The following TMEM131L variants were observed in gnomAD, a reference collection of about 807,000 sequenced individuals.
The protein encoded by TMEM131L is transmembrane protein 131-like.
A neutral mutation model predicts 192.2 loss-of-function variants in TMEM131L; 54 were observed. The ratio of observed to expected loss-of-function variants is 0.28; its 90% confidence interval spans 0.23 to 0.35. The LOEUF is 0.35. Among genes scored for constraint, TMEM131L ranks in the 10% least tolerant of loss-of-function variants. TMEM131L has a pLI of 1.00. For synonymous variants in TMEM131L, 701 were observed against 704.9 expected, an observed-to-expected ratio of 0.99 and a Z score of 0.09; for missense variants, 1,888 against 1,972.9, an observed-to-expected ratio of 0.96 and a Z score of 0.82.
chr4:153,506,777 A>G (rs2150039488), intron 3 of TMEM131L, among the ~76,000 whole-genome samples: 1 of 146,968 alleles, frequency 6.8e-6, no homozygotes, highest in Non-Finnish European at 1.5e-5. Flanking sequence ...CAGGAGGCAG[A>G]GGTTGCAGTG....
chr4:153,617,930 T>C (rs1211229369), intron 26 of TMEM131L, among the ~76,000 whole-genome samples: 4 of 152,128 alleles, frequency 2.6e-5, no homozygotes, highest in Non-Finnish European at 5.9e-5. Context: ...CCCATTTTTC[T>C]TTTGAATGTT....
At chr4:153,556,644 T>C (rs1728475485) in intron 5 of TMEM131L, among the ~76,000 whole-genome samples, 1 of 152,224 alleles carries the variant, frequency 6.6e-6, no homozygotes, top group South Asian at 2.1e-4. Context: ...TTATTGTCTA[T>C]ATTTAAGTAG....
chr4:153,501,006 A>G (rs945060641), intron 3 of TMEM131L, among the ~76,000 whole-genome samples: 11 of 152,222 alleles, frequency 7.2e-5, no homozygotes, highest in African/African-American at 1.9e-4. Flanking sequence ...TGGAAGATAG[A>G]AAGTGGATAA....
At chr4:153,543,170 A>G (rs1239633395) in intron 3 of TMEM131L, among the ~76,000 whole-genome samples, 1 of 152,198 alleles carries the variant, frequency 6.6e-6, no homozygotes, top group Non-Finnish European at 1.5e-5. Flanking sequence ...TGTCCTACCA[A>G]AAAACTTTTT....
At chr4:153,578,678 A>G (rs1730129996) in intron 7 of TMEM131L, among the ~76,000 whole-genome samples, 1 of 151,562 alleles carries the variant, frequency 6.6e-6, no homozygotes, top group South Asian at 2.1e-4. Flanking sequence ...CCGCCACCAC[A>G]CCCAGCTAAT....
At chr4:153,568,136 A>C (rs1729346139) in intron 7 of TMEM131L, among the ~76,000 whole-genome samples, 1 of 152,164 alleles carries the variant, frequency 6.6e-6, no homozygotes, top group African/African-American at 2.4e-5. Context: ...ACTTCTAAAA[A>C]TTTTCTTAAG....
intron 26 of TMEM131L, among the ~76,000 whole-genome samples, chr4:153,618,896 C>T (rs1280350489): frequency 6.6e-6 from 1 of 152,152 alleles, no homozygotes; most frequent in Non-Finnish European, 1.5e-5. Flanking sequence ...CCATTGCAGG[C>T]CTGTTCTTTC....
intron 3 of TMEM131L, among the ~76,000 whole-genome samples, chr4:153,478,868 A>G (rs1376606543): frequency 1.3e-5 from 2 of 150,666 alleles, no homozygotes; most frequent in African/African-American, 5.0e-5. Context: ...CCACGATACC[A>G]GCTTAATGAA....
At chr4:153,565,815 TATTAAA>T (rs1269277764) in intron 7 of TMEM131L, among the ~76,000 whole-genome samples, 2 of 152,254 alleles carry the variant, frequency 1.3e-5, no homozygotes, top group Admixed American at 1.3e-4. Context: ...GTGTGACAAG[TATTAAA>T]ATTAGACTGC....
At chr4:153,534,832 A>C (rs1736190956) in intron 3 of TMEM131L, among the ~76,000 whole-genome samples, 1 of 152,220 alleles carries the variant, frequency 6.6e-6, no homozygotes, top group African/African-American at 2.4e-5. Context: ...AAGGACTTTA[A>C]GGTAGGAGGA....
At chr4:153,582,430 G>GTTTTTTTTTTT (rs1561212531) in intron 9 of TMEM131L, among the ~76,000 whole-genome samples, 8 of 38,506 alleles carry the variant, frequency 2.1e-4, no homozygotes, top group South Asian at 6.9e-4. Flanking sequence ...GTTTTTTTTT[G>GTTTTTTTTTTT]TTGTTTTTTT....
intron 3 of TMEM131L, among the ~76,000 whole-genome samples, chr4:153,540,143 C>A (rs892242195): frequency 2.7e-4 from 41 of 150,634 alleles, no homozygotes; most frequent in Admixed American, 6.0e-4. Context: ...AAAAAAAAAA[C>A]CCCAAAACAA....
intron 25 of TMEM131L, among the ~76,000 whole-genome samples, chr4:153,608,820 T>G (rs990933948): frequency 1.4e-4 from 21 of 152,254 alleles, no homozygotes; most frequent in African/African-American, 4.6e-4. Flanking sequence ...TGTGTCTTGT[T>G]CTTCCATTTG....
At chr4:153,476,629 G>A (rs1167627390) in intron 3 of TMEM131L, among the ~76,000 whole-genome samples, 1 of 152,024 alleles carries the variant, frequency 6.6e-6, no homozygotes, top group African/African-American at 2.4e-5. Context: ...CCCGGGAGGC[G>A]GAGCTTGCAG....
At chr4:153,523,023 A>G (rs546255050) in intron 3 of TMEM131L, among the ~76,000 whole-genome samples, 12 of 152,278 alleles carry the variant, frequency 7.9e-5, no homozygotes, top group Middle Eastern at 3.4e-3. Flanking sequence ...ACTTTATAGG[A>G]CTTAAGGATG....
At chr4:153,491,148 G>A (rs986471460) in intron 3 of TMEM131L, among the ~76,000 whole-genome samples, 2 of 152,128 alleles carry the variant, frequency 1.3e-5, no homozygotes, top group South Asian at 2.1e-4. Flanking sequence ...GGCCTGTCAC[G>A]TAAATGCACA....
At chr4:153,625,673 C>T (rs758189107) in intron 29 of TMEM131L, among the ~76,000 whole-genome samples, 3 of 151,896 alleles carry the variant, frequency 2.0e-5, no homozygotes, top group Non-Finnish European at 4.4e-5. Context: ...TTTGGGAGGC[C>T]GAGGCAGGTG....
chr4:153,632,268 C>G (rs1186223091), intron 31 of TMEM131L: 3 of 161,360 alleles, frequency 1.9e-5, no homozygotes, highest in Non-Finnish European at 4.1e-5. Flanking sequence ...AACCAAGATG[C>G]CACCACTGCA....
intron 3 of TMEM131L, among the ~76,000 whole-genome samples, chr4:153,533,279 C>G (rs1736057351): frequency 6.6e-6 from 1 of 152,156 alleles, no homozygotes; most frequent in African/African-American, 2.4e-5. Flanking sequence ...GCTACCGCAC[C>G]CAGCCTCCTT....
Sources: allele counts gnomAD v4.1 joint callset (sites outside exome capture counted in the v4.1 genomes callset), GRCh38; gene constraint gnomAD v4.1.1; transcripts MANE v1.5; gene names NCBI Gene and HGNC (gene_info 2026-07-23, HGNC 2026-07-21).